Variants in NRXN1 observed in about 807,000 individuals in gnomAD.
The protein encoded by NRXN1 is neurexin 1, also known as neurexin-1.
In NRXN1, 39 loss-of-function variants were observed where a neutral mutation model predicts 150.9. That is an observed-to-expected ratio of 0.26 (90% confidence interval 0.20 to 0.34). NRXN1 has a LOEUF of 0.34. Ranked by LOEUF, NRXN1 falls within the 10% of genes least tolerant of loss-of-function variation. The probability of loss-of-function intolerance (pLI) is 1.00; values close to 1 mark genes in which losing one functional copy is unlikely to be tolerated. For synonymous variants in NRXN1, 924 were observed against 757.0 expected (o/e 1.22, Z -3.62); for missense variants, 1,815 against 1,949.9 (o/e 0.93, Z 1.30).
intron 5 of NRXN1, among the ~76,000 whole-genome samples, chr2:50,736,920 G>C (rs1380619652): frequency 6.6e-6 from 1 of 152,028 alleles, no homozygotes; most frequent in Non-Finnish European, 1.5e-5. Context: ...ACAAATACTT[G>C]CCAAATGAAT....
chr2:50,567,164 G>A (rs1016380244), intron 8 of NRXN1, among the ~76,000 whole-genome samples: 1 of 152,068 alleles, frequency 6.6e-6, no homozygotes, highest in Non-Finnish European at 1.5e-5. Context: ...ATTTTAAGAA[G>A]GTACAAACGT....
chr2:50,614,555 G>A (rs1429326058), intron 8 of NRXN1, among the ~76,000 whole-genome samples: 2 of 150,954 alleles, frequency 1.3e-5, no homozygotes, highest in South Asian at 4.2e-4. Context: ...GTTAATGGGT[G>A]CAGCACACCA....
intron 5 of NRXN1, among the ~76,000 whole-genome samples, chr2:50,870,407 C>CCCGCCTCAG (rs1677602381): frequency 6.6e-6 from 1 of 151,902 alleles, no homozygotes; most frequent in Non-Finnish European, 1.5e-5. Flanking sequence ...AAGGGATCCC[C>CCCGCCTCAG]CCGCCTCAGC....
chr2:50,544,568 C>T (rs904078498), intron 9 of NRXN1, among the ~76,000 whole-genome samples: 3 of 152,048 alleles, frequency 2.0e-5, no homozygotes, highest in Non-Finnish European at 2.9e-5. Context: ...GAAAACAGAA[C>T]TCTAATGACA....
Position 50,998,919 on chromosome 2 carries a change from T to C in NRXN1, c.772+28583A>G, listed in dbSNP as rs552286892. Among the ~76,000 whole-genome samples, 3 of 152,172 alleles carry C rather than the reference T, an allele frequency of 2.0e-5. No individual in the cohort carries two copies. The South Asian group carries it at 6.2e-4, about 32-fold the overall frequency. On this transcript the variant is annotated intron_variant, in intron 2 of 22. Coordinates refer to ENST00000401669, the MANE Select transcript of NRXN1 (RefSeq NM_001330078.2). Reference sequence around the variant, plus strand: ...ATTAGCCCAATGTCAGATACAGTTGTTGAAATACATTAAGTATTCAACAAG... The same window carrying C: ...ATTAGCCCAATGTCAGATACAGTTGCTGAAATACATTAAGTATTCAACAAG...
intron 12 of NRXN1, among the ~76,000 whole-genome samples, chr2:50,528,382 A>G (rs2093012825): frequency 6.6e-6 from 1 of 152,176 alleles, no homozygotes. Context: ...GTGCTGGCAC[A>G]TTCTGTTACA....
At chr2:50,166,583 G>A (rs1004373482) in intron 18 of NRXN1, among the ~76,000 whole-genome samples, 1 of 151,812 alleles carries the variant, frequency 6.6e-6, no homozygotes, top group East Asian at 1.9e-4. Flanking sequence ...CTACAGAAAT[G>A]TAAGCTAAAA....
Position 50,939,210 on chromosome 2 carries a change from C to CAA in NRXN1, c.773-13257_773-13256dup, listed in dbSNP as rs78496825. 2.4e-3 allele frequency among the ~76,000 whole-genome samples: 167 copies of CAA among 68,236 alleles called. 7 individuals are homozygous for CAA. The Middle Eastern group carries it at 0.05, about 20-fold the overall frequency. The allele number at this position is 68,236 out of a possible 152,430, so 44.8% of individuals were successfully genotyped here. A position where few individuals can be genotyped will look rare whatever the true frequency, so the allele number is the denominator to read the frequency against. ...TGGGCAACAGAGCGAGACTCCATCT[C>CAA]AAAAAAAAAAAAAAAAAAAAAAAAA... On this transcript the variant is annotated intron_variant, in intron 2 of 22. Transcript: ENST00000401669.
rs191208456 is a variant in NRXN1 at position 50,016,086 on chromosome 2, T to G, written c.4128+37185A>C. On this transcript the variant is annotated intron_variant, in intron 21 of 22. Transcript: ENST00000401669. ...TGAAAAAAAGAAGTAAGGATCTTTT[T>G]ATTTTATTTTTTATTTTAACAAGAC... 3.2e-4 allele frequency among the ~76,000 whole-genome samples: 48 copies of G among 152,316 alleles called. No homozygotes were observed. The East Asian group carries it at 8.1e-3, about 26-fold the overall frequency.
At chr2:50,297,155 C>G (rs1182268094) in intron 17 of NRXN1, among the ~76,000 whole-genome samples, 1 of 152,158 alleles carries the variant, frequency 6.6e-6, no homozygotes, top group Non-Finnish European at 1.5e-5. Context: ...TCCCAAAGTG[C>G]TGGGATTACA....
At chr2:50,658,747 C>A (rs1032881550) in intron 5 of NRXN1, among the ~76,000 whole-genome samples, 1 of 152,050 alleles carries the variant, frequency 6.6e-6, no homozygotes, top group African/African-American at 2.4e-5. Context: ...AAATTAACAT[C>A]ATTTCCTCTT....
At chr2:50,312,984 T>C (rs1424623422) in intron 17 of NRXN1, among the ~76,000 whole-genome samples, 3 of 152,038 alleles carry the variant, frequency 2.0e-5, no homozygotes, top group East Asian at 1.9e-4. Flanking sequence ...GGAACATAGA[T>C]GGCTGTAGAC....
chr2:50,658,253 G>C (rs1483117971), intron 5 of NRXN1, among the ~76,000 whole-genome samples: 2 of 151,836 alleles, frequency 1.3e-5, no homozygotes, highest in Admixed American at 6.6e-5. Flanking sequence ...TCAAAACAAC[G>C]CTAGCTGAGG....
intron 5 of NRXN1, among the ~76,000 whole-genome samples, chr2:50,656,181 C>G (rs1235330537): frequency 6.6e-6 from 1 of 151,912 alleles, no homozygotes; most frequent in Admixed American, 6.6e-5. Context: ...TCTCATACAC[C>G]ACTTCACCCC....
intron 21 of NRXN1, among the ~76,000 whole-genome samples, chr2:49,988,646 A>G (rs1199394218): frequency 1.3e-5 from 2 of 150,246 alleles, no homozygotes; most frequent in Non-Finnish European, 3.0e-5. Context: ...AAAAGCCCTG[A>G]AGCCTGCCTA....
intron 17 of NRXN1, among the ~76,000 whole-genome samples, chr2:50,261,357 C>G (rs1558398936): frequency 6.6e-6 from 1 of 151,774 alleles, no homozygotes; most frequent in East Asian, 1.9e-4. Context: ...AAGGTACGCT[C>G]AGAGAGATTC....
intron 17 of NRXN1, among the ~76,000 whole-genome samples, chr2:50,241,102 G>A (rs1003222903): frequency 4.0e-5 from 6 of 151,430 alleles, no homozygotes; most frequent in Admixed American, 2.6e-4. Flanking sequence ...TTTATGTTCA[G>A]TAATAGTTGA....
At chr2:50,613,986 TAAGTA>T (rs1678617768) in intron 8 of NRXN1, among the ~76,000 whole-genome samples, 1 of 152,052 alleles carries the variant, frequency 6.6e-6, no homozygotes, top group African/African-American at 2.4e-5. Context: ...AATGATATGG[TAAGTA>T]AAAATATGTG....
intron 17 of NRXN1, among the ~76,000 whole-genome samples, chr2:50,239,418 GT>G (rs1464685015): frequency 1.3e-5 from 2 of 150,786 alleles, no homozygotes; most frequent in Non-Finnish European, 3.0e-5. Flanking sequence ...AATTCAGATG[GT>G]TTAAGAATTA....
Sources: allele counts gnomAD v4.1 joint callset (sites outside exome capture counted in the v4.1 genomes callset), GRCh38; gene constraint gnomAD v4.1.1; transcripts MANE v1.5; gene names NCBI Gene and HGNC (gene_info 2026-07-23, HGNC 2026-07-21).